Variants in HK2 observed in about 807,000 individuals in gnomAD.
The protein encoded by HK2 is hexokinase 2.
Under a neutral mutation model 92.9 loss-of-function variants are expected in HK2, and 42 were observed. The observed-to-expected ratio is 0.45, with a 90% confidence interval of 0.35 to 0.58. The LOEUF (loss-of-function observed/expected upper bound fraction) is 0.58. Among genes scored for constraint, HK2 ranks in the 20% least tolerant of loss-of-function variants. The pLI, the probability that HK2 is intolerant of heterozygous loss-of-function variation, is 0.00. For missense variants in HK2, 978 were observed against 1,245.1 expected (o/e 0.79, Z 3.23); for synonymous variants, 422 against 468.0 (o/e 0.90, Z 1.27).
intron 12 of HK2, 29 bp downstream of exon 12, chr2:74,882,268 T>G (rs375280227): frequency 1.2e-6 from 2 of 1,613,464 alleles, no homozygotes; most frequent in East Asian, 4.5e-5. Flanking sequence ...AGGGCTCTCC[T>G]GTGGGCTTTA....
intron 4 of HK2, among the ~76,000 whole-genome samples, chr2:74,872,781 A>G (rs1163032627): frequency 1.3e-5 from 2 of 152,222 alleles, no homozygotes; most frequent in Non-Finnish European, 2.9e-5. Context: ...GTATTGCATA[A>G]CAATGGGGAT....
Position 74,858,977 on chromosome 2 carries a change from A to G in HK2, c.226+4522A>G, listed in dbSNP as rs186665373. 9.3e-4 allele frequency among the ~76,000 whole-genome samples: 141 copies of G among 152,366 alleles called. 1 individual carries two copies. In the Middle Eastern group the frequency reaches 0.01, roughly 11 times the overall value. ...AGTGTGAAGAAACACAGTTGGCATA[A>G]TTAAAAGTGCAATAGACATAAACGG... On this transcript the variant is annotated intron_variant, in intron 2 of 17. Coordinates refer to ENST00000290573, the MANE Select transcript of HK2 (RefSeq NM_000189.5).
chr2:74,886,648 C>T lies in HK2; in HGVS notation c.2194C>T (p.Leu732Phe), dbSNP rs761311373. 2.0e-5 allele frequency: 32 copies of T among 1,613,970 alleles called. No homozygotes were observed. The highest frequency in any genetic ancestry group is 2.5e-5 in the Non-Finnish European group (30 of 1,179,992). ...RTEFDVAVDE[L>F]SLNPGKQRFE... ...AGAATTTGATGTGGCTGTGGATGAG[C>T]TTTCACTCAACCCCGGCAAGCAGAG... is the stretch of plus-strand genomic sequence containing the variant. The change falls in exon 15 of 18, where the codon CTT becomes TTT. Residue 732 changes from leucine (L) to phenylalanine (F), a missense_variant. Physicochemically the swap from Leu to Phe is conservative, Grantham distance 22. Around this residue, in one of 3 missense-constraint regions of HK2, gnomAD observed 742 missense variants for 922.5 expected, o/e 0.80. Transcript: ENST00000290573.
intron 15 of HK2, 68 bp downstream of exon 15, chr2:74,886,741 C>T: frequency 5.3e-6 from 8 of 1,500,534 alleles, no homozygotes; most frequent in Non-Finnish European, 7.4e-6. Context: ...ATCAGAGCTT[C>T]CACAATGGCA....
intron 16 of HK2, 80 bp from the exon 17 acceptor site, chr2:74,889,165 A>G (rs1282258157): frequency 8.5e-7 from 1 of 1,176,002 alleles, no homozygotes; most frequent in African/African-American, 1.5e-5. Context: ...CCTCCCCTGT[A>G]AGGACTCAGG....
intron 1 of HK2, among the ~76,000 whole-genome samples, chr2:74,836,715 G>A (rs544726659): frequency 6.6e-6 from 1 of 152,346 alleles, no homozygotes; most frequent in Non-Finnish European, 1.5e-5. Flanking sequence ...GGTGAGCGAA[G>A]CTGTTTGATT....
Position 74,834,449 on chromosome 2 carries a change from T to G in HK2, c.-132T>G, listed in dbSNP as rs1266523551. On this transcript the variant is annotated 5_prime_UTR_variant, in exon 1 of 18. Coordinates refer to ENST00000290573, the MANE Select transcript of HK2 (RefSeq NM_000189.5). This position sits in a 1 kb window ranked among gnomAD's most constrained non-coding sequence, Gnocchi z 4.2. Reference sequence around the variant, plus strand: ...GCACCCTCGCCGGTAGCCTTCTTTGTGCGCCGTCCGGACTCCCAGCTCCCG... The same window carrying G: ...GCACCCTCGCCGGTAGCCTTCTTTGGGCGCCGTCCGGACTCCCAGCTCCCG... 1.1e-6 allele frequency: 1 copy of G among 871,382 alleles called. No homozygotes were observed. The highest frequency in any genetic ancestry group is 1.7e-5 in the African/African-American group (1 of 59,976). 54.0% of individuals were successfully genotyped at this position (871,382 alleles called of 1,614,324 possible).
In HK2 at chr2:74,890,885, G is replaced by T. The variant is rs766506248; in HGVS notation, c.2698G>T (p.Gly900Trp). The T allele has an allele frequency of 1.2e-6, 2 of 1,614,246 alleles. No individual in the cohort carries two copies. Among genetic ancestry groups the T allele is most frequent in the East Asian group, 2.2e-5 (1 of 44,880 alleles). The change falls in exon 18 of 18, where the codon GGG becomes TGG. Residue 900 changes from glycine (G) to tryptophan (W), a missense_variant. Physicochemically the swap from Gly to Trp is radical, Grantham distance 184. This residue lies in a region of HK2 where 742 missense variants were observed against 922.5 expected (regional missense o/e 0.80). Coordinates refer to ENST00000290573, the MANE Select transcript of HK2 (RefSeq NM_000189.5). ...GCAGTCAGAGGATGGCAGCGGGAAG[G>T]GGGCGGCGCTCATCACTGCTGTGGC... is the stretch of plus-strand genomic sequence containing the variant. ...FLQSEDGSGK[G>W]AALITAVACR...
In HK2 at chr2:74,873,318, G is replaced by A. The variant is rs1461339808; in HGVS notation, c.538G>A (p.Val180Met). 2 of 1,614,020 alleles carry A rather than the reference G, an allele frequency of 1.2e-6. No homozygotes were observed. The highest frequency in any genetic ancestry group is 3.3e-5 in the Admixed American group (2 of 60,004). ...GACCAAGGGATTCAAGTCCAGTGGA[G>A]TGGAAGGCAGAGACGTTGTGGCTCT... ...SWTKGFKSSG[V>M]EGRDVVALIR... is the part of the protein sequence containing the mutation. The change falls in exon 5 of 18, where the codon GTG (valine) becomes ATG (methionine). Residue 180 changes from valine to methionine, a missense_variant. Val to Met is a conservative substitution (Grantham distance 21, BLOSUM62 1). Transcript: ENST00000290573.
Position 74,888,019 on chromosome 2 carries a change from G to A in HK2, c.2336G>A (p.Arg779Lys), listed in dbSNP as rs757960215. The A allele has an allele frequency of 2.9e-5, 47 of 1,614,226 alleles. 1 individual carries two copies. In the South Asian group the frequency reaches 4.3e-4, roughly 15 times the overall value. The change falls in exon 16 of 18, where the codon AGG becomes AAG. Residue 779 changes from arginine to lysine, a missense_variant. Transcript: ENST00000290573. ...CGCATCTCAGAGCGGCTCAAGACAA[G>A]GGGCATCTTTGAAACCAAGTTCTTG... ...RGRISERLKT[R>K]GIFETKFLSQ... is the part of the protein sequence containing the mutation.
At chr2:74,882,560 C>T (rs1689424892) in intron 12 of HK2, among the ~76,000 whole-genome samples, 1 of 134,792 alleles carries the variant, frequency 7.4e-6, no homozygotes, top group South Asian at 2.5e-4. Flanking sequence ...GCCAGGATTT[C>T]AAGACTAGCC....
In HK2 at chr2:74,886,634, T is replaced by C; in HGVS notation, c.2180T>C (p.Val727Ala). ...GATGACTTCCGCACAGAATTTGATG[T>C]GGCTGTGGATGAGCTTTCACTCAAC... ...CLDDFRTEFD[V>A]AVDELSLNPG... The change falls in exon 15 of 18, where the codon GTG (valine) becomes GCG (alanine). Residue 727 changes from valine (V) to alanine (A), a missense_variant. By Grantham distance (64) the Val-to-Ala change is moderately conservative. Around this residue, in one of 3 missense-constraint regions of HK2, gnomAD observed 742 missense variants for 922.5 expected, o/e 0.80. Coordinates refer to ENST00000290573, the MANE Select transcript of HK2 (RefSeq NM_000189.5). The C allele has an allele frequency of 6.2e-7, 1 of 1,614,034 alleles. No individual in the cohort carries two copies. The highest frequency in any genetic ancestry group is 1.1e-5 in the South Asian group (1 of 91,072).
chr2:74,882,860 T>C (rs1233778731), intron 12 of HK2, among the ~76,000 whole-genome samples: 1 of 151,860 alleles, frequency 6.6e-6, no homozygotes, highest in Non-Finnish European at 1.5e-5. Context: ...TCAGTTATGC[T>C]GTGGGGCTCC....
At chr2:74,852,828 A>G (rs1204615931) in intron 1 of HK2, among the ~76,000 whole-genome samples, 1 of 152,248 alleles carries the variant, frequency 6.6e-6, no homozygotes, top group African/African-American at 2.4e-5. Context: ...CCTCCGCATG[A>G]GCACAGAGGC....
At chr2:74,883,438 G>T (rs1221339071) in intron 12 of HK2, among the ~76,000 whole-genome samples, 3 of 152,196 alleles carry the variant, frequency 2.0e-5, no homozygotes, top group African/African-American at 7.2e-5. Context: ...AAGGTGAGCA[G>T]GCTGCCCATT....
intron 7 of HK2, among the ~76,000 whole-genome samples, chr2:74,875,890 G>A (rs1358314698): frequency 1.3e-5 from 2 of 152,058 alleles, no homozygotes; most frequent in Non-Finnish European, 2.9e-5. Context: ...GCACACCCCC[G>A]GCTTATCCTT....
intron 13 of HK2, among the ~76,000 whole-genome samples, chr2:74,885,885 C>CACAG (rs58908262): frequency 1.3e-5 from 2 of 148,420 alleles, no homozygotes; most frequent in South Asian, 2.1e-4. Flanking sequence ...CACACACACA[C>CACAG]AGTAAAGGAA....
chr2:74,853,652 C>T (rs1688623874), intron 1 of HK2, among the ~76,000 whole-genome samples: 1 of 151,562 alleles, frequency 6.6e-6, no homozygotes, highest in Non-Finnish European at 1.5e-5. Flanking sequence ...TGGCTGAGAT[C>T]TCATCACTGC....
At position 74,873,921 on chromosome 2, in the gene HK2, CTG is replaced by C. The variant is rs1558799912; in HGVS notation, c.672_673del (p.Cys224Ter). On this transcript the variant is annotated frameshift_variant, in exon 6 of 18. Transcript: ENST00000290573. LOFTEE classifies it high-confidence loss of function. Reference protein sequence around the residue: ...MMTCGYDDHNCEIGLIVGTGS... With the variant: ...MMTCGYDDHNXEIGLIVGTGS... The stretch of plus-strand genomic sequence containing the variant: ...TGACCTGTGGTTATGATGACCACAA[CTG>C]TGAGATTGGTCTCATTGTGGGTGAG... 1.9e-6 allele frequency: 3 copies of C among 1,613,170 alleles called. No individual in the cohort carries two copies. Among genetic ancestry groups the C allele is most frequent in the Non-Finnish European group, 2.5e-6 (3 of 1,179,172 alleles).
Sources: gnomAD v4.1 joint callset for allele counts (sites outside exome capture counted in the v4.1 genomes callset) on GRCh38, gnomAD v4.1.1 for gene constraint, gnomAD v4.1.1 regional missense constraint, Gnocchi (gnomAD v3.1) non-coding constraint, MANE v1.5 for transcripts, NCBI Gene and HGNC (gene_info 2026-07-23, HGNC 2026-07-21) for gene names.